The following SULF2 variants were observed in gnomAD, a reference collection of about 807,000 sequenced individuals.
The protein encoded by SULF2 is sulfatase 2, also known as extracellular sulfatase Sulf-2.
Under a neutral mutation model 107.7 loss-of-function variants are expected in SULF2, and 52 were observed. The ratio of observed to expected loss-of-function variants is 0.48; its 90% CI spans 0.39 to 0.61. The LOEUF (loss-of-function observed/expected upper bound fraction) is 0.61, where lower values mean the gene tolerates loss of function less well. Ranked by LOEUF, SULF2 falls within the 20% of genes least tolerant of loss-of-function variation. The probability of loss-of-function intolerance (pLI) is 0.00; values close to 1 mark genes in which losing one functional copy is unlikely to be tolerated. For synonymous variants in SULF2, 460 were observed against 464.3 expected (o/e 0.99, Z 0.12); for missense variants, 993 against 1,177.3 (o/e 0.84, Z 2.29).
intron 3 of SULF2, among the ~76,000 whole-genome samples, chr20:47,726,910 A>G (rs2089459387): frequency 6.6e-6 from 1 of 152,098 alleles, no homozygotes. Flanking sequence ...AGATTCCTTG[A>G]GAGAAACCAT....
chr20:47,697,907 C>T (rs1178070861), intron 4 of SULF2, among the ~76,000 whole-genome samples: 4 of 152,190 alleles, frequency 2.6e-5, no homozygotes, highest in East Asian at 3.8e-4. Flanking sequence ...TTAGAGAATC[C>T]GCCTGCACTG....
At chr20:47,768,028 T>C (rs1263738512) in intron 1 of SULF2, among the ~76,000 whole-genome samples, 2 of 152,072 alleles carry the variant, frequency 1.3e-5, no homozygotes, top group African/African-American at 4.8e-5. Context: ...CCTGGGCCAA[T>C]CAGAGCCTCC....
chr20:47,746,073 C>G (rs2090028250), intron 2 of SULF2, among the ~76,000 whole-genome samples: 1 of 152,206 alleles, frequency 6.6e-6, no homozygotes, highest in Non-Finnish European at 1.5e-5. Context: ...GTAGCGAAGG[C>G]CCACTTGACA....
At chr20:47,754,086 G>A (rs376242660) in intron 2 of SULF2, among the ~76,000 whole-genome samples, 12 of 152,164 alleles carry the variant, frequency 7.9e-5, no homozygotes, top group Non-Finnish European at 1.2e-4. Flanking sequence ...AGTCAAATGC[G>A]TGCAGGGAAA....
At chr20:47,768,124 GCTAA>G (rs2090560809) in intron 1 of SULF2, among the ~76,000 whole-genome samples, 1 of 152,180 alleles carries the variant, frequency 6.6e-6, no homozygotes, top group African/African-American at 2.4e-5. Flanking sequence ...TTTACAACTG[GCTAA>G]CTCACTCCAT....
At chr20:47,719,940 CATTATT>C (rs1385197597) in intron 3 of SULF2, among the ~76,000 whole-genome samples, 1 of 152,108 alleles carries the variant, frequency 6.6e-6, no homozygotes, top group East Asian at 1.9e-4. Flanking sequence ...CCATCATTAT[CATTATT>C]ATCTTTTTCA....
At chr20:47,760,520 C>T (rs956548965) in intron 1 of SULF2, among the ~76,000 whole-genome samples, 1 of 152,142 alleles carries the variant, frequency 6.6e-6, no homozygotes, top group Non-Finnish European at 1.5e-5. Flanking sequence ...ACCGGTTCCT[C>T]GGTGCAGCAT....
At chr20:47,715,316 C>T (rs1351563785) in intron 3 of SULF2, among the ~76,000 whole-genome samples, 2 of 152,092 alleles carry the variant, frequency 1.3e-5, no homozygotes, top group Non-Finnish European at 2.9e-5. Context: ...CCCTTTCCCC[C>T]GACATTGCTT....
chr20:47,723,261 A>G (rs1568860266), intron 3 of SULF2, among the ~76,000 whole-genome samples: 1 of 152,132 alleles, frequency 6.6e-6, no homozygotes, highest in Non-Finnish European at 1.5e-5. Flanking sequence ...AGAAAAAAAA[A>G]AAAGTTCACA....
At chr20:47,715,859 G>T (rs1005594730) in intron 3 of SULF2, among the ~76,000 whole-genome samples, 2 of 152,218 alleles carry the variant, frequency 1.3e-5, no homozygotes, top group East Asian at 1.9e-4. Flanking sequence ...GATTACAGGC[G>T]TGAGCCACTG....
chr20:47,673,503 T>G (rs1602608910), intron 10 of SULF2, among the ~76,000 whole-genome samples: 1 of 151,118 alleles, frequency 6.6e-6, no homozygotes, highest in East Asian at 1.9e-4. Context: ...CCCCCAACCC[T>G]CTGCTGCACC....
intron 1 of SULF2, among the ~76,000 whole-genome samples, chr20:47,776,856 CT>C (rs1568932998): frequency 6.6e-6 from 1 of 152,240 alleles, no homozygotes; most frequent in Non-Finnish European, 1.5e-5. Context: ...ACCTGCTTAG[CT>C]TTTTGCAAAT....
At chr20:47,746,431 C>T (rs1300422738) in intron 2 of SULF2, among the ~76,000 whole-genome samples, 1 of 152,208 alleles carries the variant, frequency 6.6e-6, no homozygotes, top group Non-Finnish European at 1.5e-5. Flanking sequence ...GGCTGGAACT[C>T]ATTCAGCAGC....
At chr20:47,699,130 C>CTG (rs142227880) in intron 4 of SULF2, among the ~76,000 whole-genome samples, 6 of 152,110 alleles carry the variant, frequency 3.9e-5, no homozygotes, top group East Asian at 1.9e-4. Flanking sequence ...TGTGATGTGA[C>CTG]TGTGTGTGTG....
At position 47,690,163 on chromosome 20, in the gene SULF2, G is replaced by T. The variant is rs1449844506; in HGVS notation, c.700C>A (p.Gln234Lys). ...APHGPEDSAP[Q>K]YSRLFPNASQ... is the part of the protein sequence containing the mutation. The stretch of plus-strand genomic sequence containing the variant: ...GCGTTTGGGAAGAGGCGTGAATATT[G>T]TGGGGCTGAATCCTCAGGGCCGTGG... Residue 234 changes from glutamine to lysine, a missense_variant, in exon 5 of 21, where the codon CAA becomes AAA. By Grantham distance (53) the Gln-to-Lys change is moderately conservative. Coordinates refer to ENST00000688720, the MANE Select transcript of SULF2 (RefSeq NM_001387048.1). 1 of 1,546,044 alleles carries T rather than the reference G, an allele frequency of 6.5e-7. No homozygotes were observed. Among genetic ancestry groups the T allele is most frequent in the South Asian group, 1.2e-5 (1 of 81,664 alleles).
intron 1 of SULF2, among the ~76,000 whole-genome samples, chr20:47,776,312 G>C (rs2090723994): frequency 6.6e-6 from 1 of 152,216 alleles, no homozygotes. Flanking sequence ...CAGAGCCCCT[G>C]GTTAGGTGGC....
intron 4 of SULF2, among the ~76,000 whole-genome samples, chr20:47,700,993 G>A (rs963799833): frequency 1.3e-5 from 2 of 152,142 alleles, no homozygotes; most frequent in East Asian, 3.9e-4. Flanking sequence ...CCTTCTTTGG[G>A]TGTATAACCA....
chr20:47,665,365 C>T, intron 13 of SULF2, 72 bp from the exon 14 acceptor site: 1 of 993,526 alleles, frequency 1.0e-6, no homozygotes, highest in Non-Finnish European at 1.6e-6. Flanking sequence ...CTGGTGACTG[C>T]CCCCACGCTG....
intron 3 of SULF2, among the ~76,000 whole-genome samples, chr20:47,732,116 G>A (rs1017766652): frequency 2.0e-5 from 3 of 152,012 alleles, no homozygotes; most frequent in Non-Finnish European, 2.9e-5. Context: ...AGCTGGTCTC[G>A]AACCCCTGGC....
Sources: gnomAD v4.1 joint callset for allele counts (sites outside exome capture counted in the v4.1 genomes callset) on GRCh38, gnomAD v4.1.1 for gene constraint, MANE v1.5 for transcripts, NCBI Gene and HGNC (gene_info 2026-07-23, HGNC 2026-07-21) for gene names.